Variants in FRMPD2 observed in about 807,000 individuals in gnomAD.
FRMPD2 encodes the protein FERM and PDZ domain containing 2.
A neutral mutation model predicts 140.1 loss-of-function variants in FRMPD2; 96 were observed. The observed-to-expected ratio is 0.69, with a 90% CI of 0.58 to 0.81. The LOEUF (loss-of-function observed/expected upper bound fraction) is 0.81, where lower values mean the gene tolerates loss of function less well. FRMPD2 is among the 40% of genes least tolerant of loss of function. The pLI, the probability that FRMPD2 is intolerant of heterozygous loss-of-function variation, is 0.00. For synonymous variants in FRMPD2, 449 were observed against 547.6 expected, an observed-to-expected ratio of 0.82 and a Z score of 2.52; for missense variants, 1,240 against 1,447.4, an observed-to-expected ratio of 0.86 and a Z score of 2.32.
intron 8 of FRMPD2, 81 bp from the exon 9 acceptor site, chr10:48,236,634 T>C: frequency 7.8e-7 from 1 of 1,277,436 alleles, no homozygotes; most frequent in Non-Finnish European, 1.1e-6. Context: ...GATGCACCTC[T>C]GCAGCCCCCA....
At chr10:48,201,577 T>G in intron 14 of FRMPD2, 193 bp from the exon 15 acceptor site, 1 of 498,826 alleles carries the variant, frequency 2.0e-6, no homozygotes, top group Non-Finnish European at 3.6e-6. Flanking sequence ...TAGTTTTTCC[T>G]TCATTCATCA....
chr10:48,185,568 G>T lies in FRMPD2; in HGVS notation c.2344C>A (p.Pro782Thr). The T allele has an allele frequency of 2.1e-5, 34 of 1,613,614 alleles. No homozygotes were observed. The highest frequency in any genetic ancestry group is 2.9e-5 in the Non-Finnish European group (34 of 1,179,566). Residue 782 changes from proline to threonine, a missense_variant, in exon 18 of 29, where the codon CCA becomes ACA. Transcript: ENST00000374201. Reference sequence around the variant, plus strand: ...GCCCTCTTACCAAAACCACGATGTGGGTCACGTTTCAGTGTCACACGTACA... The same window carrying T: ...GCCCTCTTACCAAAACCACGATGTGTGTCACGTTTCAGTGTCACACGTACA... ...EIVRVTLKRD[P>T]HRGFGFVINE...
intron 28 of FRMPD2, among the ~76,000 whole-genome samples, chr10:48,161,071 AG>A (rs1313601368): frequency 6.6e-6 from 1 of 150,822 alleles, no homozygotes; most frequent in African/African-American, 2.4e-5. Context: ...CAAGAGAAAA[AG>A]GGGGTGCGGT....
At position 48,214,189 on chromosome 10, in the gene FRMPD2, T is replaced by C. The variant is rs948301077; in HGVS notation, c.1456-2080A>G. On this transcript the variant is annotated intron_variant, in intron 12 of 28. Transcript: ENST00000374201. ...AAAACTATAACATTTTTATTCCTAA[T>C]AAAAATCCCAACGTTCTCTCTGTTC... 2.6e-5 allele frequency among the ~76,000 whole-genome samples: 4 copies of C among 152,182 alleles called. No individual in the cohort carries two copies. In the South Asian group the frequency reaches 6.2e-4, roughly 24 times the overall value.
At chr10:48,158,816 T>A (rs1191095811) in intron 28 of FRMPD2, 4 of 267,176 alleles carry the variant, frequency 1.5e-5, no homozygotes, top group African/African-American at 9.4e-5. Context: ...CCCCACCAAG[T>A]CCTGAAACTC....
chr10:48,268,040 G>A (rs1324091647), intron 1 of FRMPD2, among the ~76,000 whole-genome samples: 1 of 152,170 alleles, frequency 6.6e-6, no homozygotes, highest in Non-Finnish European at 1.5e-5. Flanking sequence ...CTTAACAGCA[G>A]AAAGCAAACA....
chr10:48,157,222 G>A lies in FRMPD2; in HGVS notation c.*100C>T. Reference sequence around the variant, plus strand: ...ATGGTCAAAGAACAAGACTTCCAGGGGCTGCCCCAAGTTCGCCACACACGC... The same window carrying A: ...ATGGTCAAAGAACAAGACTTCCAGGAGCTGCCCCAAGTTCGCCACACACGC... On this transcript the variant is annotated 3_prime_UTR_variant, in exon 29 of 29. Coordinates refer to ENST00000374201, the MANE Select transcript of FRMPD2 (RefSeq NM_001018071.4). 1.5e-6 allele frequency: 1 copy of A among 655,446 alleles called. No individual in the cohort carries two copies. The highest frequency in any genetic ancestry group is 2.3e-5 in the Admixed American group (1 of 43,808). The allele number at this position is 655,446 out of a possible 1,614,324, so 40.6% of individuals were successfully genotyped here.
At chr10:48,183,785 G>A (rs1838607077) in intron 20 of FRMPD2, among the ~76,000 whole-genome samples, 1 of 139,396 alleles carries the variant, frequency 7.2e-6, no homozygotes, top group Non-Finnish European at 1.5e-5. Context: ...CCAGGAGGTG[G>A]AGCCTGCAGA....
At chr10:48,257,682 G>T (rs1470871380) in intron 1 of FRMPD2, among the ~76,000 whole-genome samples, 1 of 152,118 alleles carries the variant, frequency 6.6e-6, no homozygotes, top group African/African-American at 2.4e-5. Flanking sequence ...TGAGCTTTGG[G>T]AGGTTGAATT....
Position 48,184,746 on chromosome 10 carries a change from G to A in FRMPD2, c.2467+28C>T, listed in dbSNP as rs139257255. ...TAAAAAAGAGTGGTTTCTTAAAACAGCATCTCTAGTAATTTAAAAAGATGT... is the reference window on the plus strand; with the variant it reads ...TAAAAAAGAGTGGTTTCTTAAAACAACATCTCTAGTAATTTAAAAAGATGT... On this transcript the variant is annotated intron_variant, in intron 19 of 28. Transcript: ENST00000374201. The A allele has an allele frequency of 5.4e-3, 8,591 of 1,594,978 alleles. 78 individuals carry two copies. Among genetic ancestry groups the A allele is most frequent in the Middle Eastern group, 0.053 (317 of 6,020 alleles).
At chr10:48,225,046 C>G (rs1397692244) in intron 10 of FRMPD2, among the ~76,000 whole-genome samples, 1 of 152,126 alleles carries the variant, frequency 6.6e-6, no homozygotes, top group African/African-American at 2.4e-5. Context: ...CATACAAGTT[C>G]GTGAGCTTTT....
intron 14 of FRMPD2, among the ~76,000 whole-genome samples, chr10:48,202,670 C>A (rs1316344938): frequency 6.6e-6 from 1 of 152,258 alleles, no homozygotes; most frequent in Non-Finnish European, 1.5e-5. Flanking sequence ...CTGATCATTT[C>A]ATCCACACTT....
intron 10 of FRMPD2, among the ~76,000 whole-genome samples, chr10:48,225,762 G>T (rs541042914): frequency 6.6e-6 from 1 of 152,154 alleles, no homozygotes; most frequent in Non-Finnish European, 1.5e-5. Context: ...ACCAGCGACC[G>T]CAGAACACGT....
At chr10:48,196,701 G>A (rs909955948) in intron 15 of FRMPD2, among the ~76,000 whole-genome samples, 6 of 152,202 alleles carry the variant, frequency 3.9e-5, no homozygotes, top group Admixed American at 1.3e-4. Flanking sequence ...GCATGTAATC[G>A]CTGAAAAGGG....
At chr10:48,216,125 C>T (rs577629744) in intron 12 of FRMPD2, among the ~76,000 whole-genome samples, 9 of 152,306 alleles carry the variant, frequency 5.9e-5, no homozygotes, top group Non-Finnish European at 1.2e-4. Context: ...CATTGGCCCT[C>T]CCGGGTTTAC....
chr10:48,259,968 G>T lies in FRMPD2; in HGVS notation c.26-8277C>A, dbSNP rs1019405530. Reference sequence around the variant, plus strand: ...TGTATTAGGGTTCTCCAGAAAGACAGAACCAATAAGATGTATAGATATAGA... The same window carrying T: ...TGTATTAGGGTTCTCCAGAAAGACATAACCAATAAGATGTATAGATATAGA... On this transcript the variant is annotated intron_variant, in intron 1 of 28. Coordinates refer to ENST00000374201, the MANE Select transcript of FRMPD2 (RefSeq NM_001018071.4). 2.6e-5 allele frequency among the ~76,000 whole-genome samples: 4 copies of T among 152,206 alleles called. No homozygotes were observed. In the South Asian group the frequency reaches 6.2e-4, roughly 24 times the overall value.
intron 15 of FRMPD2, among the ~76,000 whole-genome samples, chr10:48,197,593 G>A (rs747860147): frequency 6.6e-5 from 10 of 152,202 alleles, no homozygotes; most frequent in Non-Finnish European, 1.2e-4. Flanking sequence ...TGGGGACTGA[G>A]ATTCTGCATC....
intron 12 of FRMPD2, among the ~76,000 whole-genome samples, chr10:48,213,798 T>A (rs1839385485): frequency 6.6e-6 from 1 of 152,110 alleles, no homozygotes; most frequent in East Asian, 1.9e-4. Flanking sequence ...TATAAAAAGA[T>A]CAGGAGTTTG....
chr10:48,197,279 C>T (rs1838977119), intron 15 of FRMPD2, among the ~76,000 whole-genome samples: 1 of 152,104 alleles, frequency 6.6e-6, no homozygotes, highest in Non-Finnish European at 1.5e-5. Context: ...GAGCAGGAGC[C>T]ACCATTACTA....
Sources: allele counts gnomAD v4.1 joint callset (sites outside exome capture counted in the v4.1 genomes callset), GRCh38; gene constraint gnomAD v4.1.1; transcripts MANE v1.5; gene names NCBI Gene and HGNC (gene_info 2026-07-23, HGNC 2026-07-21).